The following HPSE2 variants were observed in gnomAD, a reference collection of about 807,000 sequenced individuals.
HPSE2 encodes inactive heparanase-2.
Under a neutral mutation model 60.5 loss-of-function variants are expected in HPSE2, and 38 were observed. The observed-to-expected ratio is 0.63, with a 90% CI of 0.48 to 0.82. The LOEUF (loss-of-function observed/expected upper bound fraction) is 0.82. Among genes scored for constraint, HPSE2 ranks in the 40% least tolerant of loss-of-function variants. HPSE2 has a pLI of 0.00. For missense variants in HPSE2, 713 were observed against 740.4 expected (o/e 0.96, Z 0.43); for synonymous variants, 295 against 293.2 (o/e 1.01, Z -0.06).
At chr10:98,697,103 T>C (rs972822951) in intron 5 of HPSE2, among the ~76,000 whole-genome samples, 1 of 152,082 alleles carries the variant, frequency 6.6e-6, no homozygotes, top group Non-Finnish European at 1.5e-5. Context: ...CTCCTCTAAA[T>C]GATCACAGTG....
intron 3 of HPSE2, among the ~76,000 whole-genome samples, chr10:98,902,273 G>A (rs535153562): frequency 2.6e-5 from 4 of 152,266 alleles, no homozygotes; most frequent in South Asian, 4.1e-4. Flanking sequence ...ACTGAAGAAA[G>A]AAGTGAGAAT....
chr10:98,939,293 T>C (rs1229212377), intron 3 of HPSE2, among the ~76,000 whole-genome samples: 4 of 143,606 alleles, frequency 2.8e-5, no homozygotes, highest in African/African-American at 5.7e-5. Flanking sequence ...GACTGGCAAA[T>C]TGGATGGAGT....
chr10:99,162,623 T>A (rs1413222608), intron 2 of HPSE2, among the ~76,000 whole-genome samples: 3 of 152,130 alleles, frequency 2.0e-5, no homozygotes, highest in Non-Finnish European at 4.4e-5. Context: ...GATCCTAATA[T>A]TCCCAAGCCA....
chr10:98,933,088 G>C lies in HPSE2; in HGVS notation c.611-189032C>G, dbSNP rs571081058. Among the ~76,000 whole-genome samples, 12 of 144,060 alleles carry C rather than the reference G, an allele frequency of 8.3e-5. 2 individuals carry two copies. The South Asian group carries it at 2.5e-3, about 30-fold the overall frequency. 94.5% of individuals were successfully genotyped at this position (144,060 alleles called of 152,430 possible). A position where few individuals can be genotyped will look rare whatever the true frequency, so the allele number is the denominator to read the frequency against. On this transcript the variant is annotated intron_variant, in intron 3 of 11. Transcript: ENST00000370552. ...TGATTTGAGATCTTTCTAGCTTTTT[G>C]ATGTGAGTATTTAGTACTATAGATT...
chr10:98,698,874 T>C, intron 5 of HPSE2, among the ~76,000 whole-genome samples: 1 of 152,132 alleles, frequency 6.6e-6, no homozygotes, highest in South Asian at 2.1e-4. Context: ...TCTACACAAA[T>C]AAACTAGAAA....
chr10:99,102,597 A>G (rs963172778), intron 3 of HPSE2, among the ~76,000 whole-genome samples: 3 of 152,208 alleles, frequency 2.0e-5, no homozygotes, highest in Non-Finnish European at 4.4e-5. Context: ...ATTCCAATCA[A>G]TAGAAAAAGA....
intron 3 of HPSE2, among the ~76,000 whole-genome samples, chr10:98,804,168 A>AT (rs1280552477): frequency 6.6e-6 from 1 of 152,096 alleles, no homozygotes; most frequent in Non-Finnish European, 1.5e-5. Context: ...TTGTACATTG[A>AT]TTTTGTATCC....
chr10:99,198,538 T>A (rs998521167), intron 2 of HPSE2, among the ~76,000 whole-genome samples: 1 of 152,176 alleles, frequency 6.6e-6, no homozygotes, highest in African/African-American at 2.4e-5. Flanking sequence ...CCATAAATAA[T>A]AACAGATGGC....
chr10:99,053,167 A>G (rs962687632), intron 3 of HPSE2, among the ~76,000 whole-genome samples: 17 of 152,038 alleles, frequency 1.1e-4, no homozygotes, highest in Non-Finnish European at 2.5e-4. Context: ...AAAAATTATA[A>G]TATTATATTG....
intron 3 of HPSE2, among the ~76,000 whole-genome samples, chr10:98,755,170 T>C (rs547670455): frequency 1.3e-5 from 2 of 152,016 alleles, no homozygotes; most frequent in Non-Finnish European, 2.9e-5. Context: ...AGTAAAGAGA[T>C]GGAGAAAAAT....
intron 3 of HPSE2, among the ~76,000 whole-genome samples, chr10:99,022,537 A>G (rs1957285901): frequency 6.6e-6 from 1 of 152,122 alleles, no homozygotes; most frequent in African/African-American, 2.4e-5. Context: ...AAGTGCTTGC[A>G]CGACTCTTCC....
At chr10:98,793,736 G>A (rs1950710627) in intron 3 of HPSE2, among the ~76,000 whole-genome samples, 1 of 152,240 alleles carries the variant, frequency 6.6e-6, no homozygotes, top group South Asian at 2.1e-4. Flanking sequence ...GTGTTAAAGT[G>A]TCACTTTTGA....
intron 3 of HPSE2, among the ~76,000 whole-genome samples, chr10:99,077,609 G>A (rs530544029): frequency 4.0e-4 from 61 of 151,210 alleles, no homozygotes; most frequent in African/African-American, 1.4e-3. Flanking sequence ...TGTGTGTATC[G>A]ACTTCATATA....
chr10:98,966,431 C>G (rs1006831163), intron 3 of HPSE2, among the ~76,000 whole-genome samples: 1 of 152,118 alleles, frequency 6.6e-6, no homozygotes, highest in Non-Finnish European at 1.5e-5. Flanking sequence ...GTTCCTTCCC[C>G]TAAGCATATA....
the HPSE2 span, among the ~76,000 whole-genome samples, chr10:99,296,822 C>G: frequency 6.6e-6 from 1 of 152,164 alleles, no homozygotes; most frequent in South Asian, 2.1e-4. Flanking sequence ...TAGTCAAGGA[C>G]TGGCCAGGCG....
intron 3 of HPSE2, among the ~76,000 whole-genome samples, chr10:98,869,819 C>T (rs1952685661): frequency 6.6e-6 from 1 of 152,084 alleles, no homozygotes; most frequent in Non-Finnish European, 1.5e-5. Context: ...GCCATAGTTT[C>T]CTTCCGAAGT....
intron 6 of HPSE2, among the ~76,000 whole-genome samples, chr10:98,644,514 T>C (rs1946717655): frequency 6.6e-6 from 1 of 152,106 alleles, no homozygotes; most frequent in Non-Finnish European, 1.5e-5. Context: ...TTGTAAAAAT[T>C]TGGAGTTTGA....
At chr10:99,202,348 G>A (rs1392319104) in intron 2 of HPSE2, among the ~76,000 whole-genome samples, 1 of 152,124 alleles carries the variant, frequency 6.6e-6, no homozygotes, top group African/African-American at 2.4e-5. Flanking sequence ...ATATAAGGAT[G>A]CAAGTATTTC....
intron 6 of HPSE2, among the ~76,000 whole-genome samples, chr10:98,681,383 AC>A (rs1471378850): frequency 6.6e-6 from 1 of 152,204 alleles, no homozygotes; most frequent in African/African-American, 2.4e-5. Flanking sequence ...AACATTTGGA[AC>A]ATCTTTATAA....
Sources: allele counts gnomAD v4.1 joint callset (sites outside exome capture counted in the v4.1 genomes callset), GRCh38; gene constraint gnomAD v4.1.1; transcripts MANE v1.5; gene names NCBI Gene and HGNC (gene_info 2026-07-23, HGNC 2026-07-21).